The following PROSER3 variants were observed in gnomAD, a reference collection of about 807,000 sequenced individuals.
The protein encoded by PROSER3 is proline and serine-rich protein 3.
Under a neutral mutation model 50.2 loss-of-function variants are expected in PROSER3, and 33 were observed. That is an observed-to-expected ratio of 0.66 (90% CI 0.50 to 0.88). PROSER3 has a LOEUF of 0.88. PROSER3 is among the 40% of genes least tolerant of loss of function. PROSER3 has a pLI of 0.00. For missense variants in PROSER3, 623 were observed against 612.7 expected, an observed-to-expected ratio of 1.02 and a Z score of -0.18; for synonymous variants, 266 against 259.3, an observed-to-expected ratio of 1.03 and a Z score of -0.25.
At chr19:35,768,612 G>A (rs543990003) in exon 11 of PROSER3, 1 of 1,498,142 alleles carries the variant, frequency 6.7e-7, no homozygotes, top group South Asian at 1.3e-5. Context: ...CTGGTTATCT[G>A]TGAGAAAGGG....
At chr19:35,767,275 A>T (rs915378021) in intron 8 of PROSER3, 1 of 333,944 alleles carries the variant, frequency 3.0e-6, no homozygotes, top group African/African-American at 2.1e-5. Flanking sequence ...GGCCTTGGGT[A>T]TCCCTTGGGG....
exon 9 of PROSER3, chr19:35,767,922 A>C: frequency 1.2e-6 from 2 of 1,612,554 alleles, no homozygotes; most frequent in Non-Finnish European, 1.7e-6. Flanking sequence ...TCTCCAGCTG[A>C]GCAGGCAACC....
downstream of PROSER3, chr19:35,769,797 C>G (rs1971287054): frequency 1.3e-5 from 2 of 152,448 alleles, no homozygotes; most frequent in African/African-American, 4.8e-5. Flanking sequence ...ATGGCATGAT[C>G]TCGGCTCACG....
intron 3 of PROSER3, among the ~76,000 whole-genome samples, chr19:35,760,442 C>T (rs958322457): frequency 1.3e-4 from 20 of 152,140 alleles, no homozygotes; most frequent in African/African-American, 4.8e-4. Flanking sequence ...CCATGCCCAG[C>T]CTCAGTTTAT....
At chr19:35,770,332 C>T (rs1731922121), downstream of PROSER3, among the ~76,000 whole-genome samples, 1 of 152,180 alleles carries the variant, frequency 6.6e-6, no homozygotes, top group Non-Finnish European at 1.5e-5. Flanking sequence ...GCCACCGCAC[C>T]TGGCCTCCAC....
At chr19:35,762,581 C>T (rs1970995111) in intron 5 of PROSER3, 3 of 515,666 alleles carry the variant, frequency 5.8e-6, no homozygotes, top group South Asian at 4.9e-5. Flanking sequence ...AGAGAGAGAA[C>T]CAGGTGTGGT....
chr19:35,768,162 C>G, exon 10 of PROSER3: 1 of 1,613,246 alleles, frequency 6.2e-7, no homozygotes, highest in African/African-American at 1.3e-5. Flanking sequence ...CAGACTCCGA[C>G]GGCAGCGAGT....
At chr19:35,760,600 C>T (rs546834574) in intron 3 of PROSER3, among the ~76,000 whole-genome samples, 4 of 152,294 alleles carry the variant, frequency 2.6e-5, no homozygotes, top group African/African-American at 4.8e-5. Context: ...ATTCTCCTGC[C>T]TCAGCCTCCC....
chr19:35,762,480 GAGAGGA>G, intron 5 of PROSER3, 124 bp downstream of exon 5: 1 of 869,204 alleles, frequency 1.2e-6, no homozygotes, highest in African/African-American at 1.7e-5. Context: ...AGGCCAAGGT[GAGAGGA>G]CTGCTTGAGG....
intron 8 of PROSER3, 37 bp from the exon 9 acceptor site, chr19:35,767,035 T>G: frequency 7.2e-7 from 1 of 1,388,838 alleles, no homozygotes; most frequent in Non-Finnish European, 9.7e-7. Context: ...CTCCACCCTC[T>G]CTCTCTCTGT....
chr19:35,765,282 T>C, intron 7 of PROSER3, 106 bp downstream of exon 7: 1 of 1,358,582 alleles, frequency 7.4e-7, no homozygotes, highest in Non-Finnish European at 9.9e-7. Context: ...TTTCTCCAGC[T>C]GTAAAACAGG....
exon 3 of PROSER3, chr19:35,759,798 C>G (rs1166369862): frequency 5.8e-6 from 9 of 1,561,628 alleles, no homozygotes; most frequent in Admixed American, 1.9e-5. Flanking sequence ...GACCCTGAGC[C>G]CATCCAGGTC....
Position 35,759,368 on chromosome 19 carries a change from T to C in PROSER3, c.12-6T>C, listed in dbSNP as rs1314249403. On this transcript the variant is annotated splice_polypyrimidine_tract_variant and splice_region_variant and intron_variant, in intron 1 of 10. Transcript: ENST00000396908. ...GTGCTGCCTGAACCCCACTTTCCTC[T>C]TGCAGCCTGCCAGTTTTCTCCATTC... is the stretch of plus-strand genomic sequence containing the variant. 1.9e-6 allele frequency: 3 copies of C among 1,612,812 alleles called. No individual in the cohort carries two copies. The highest frequency in any genetic ancestry group is 3.3e-5 in the Admixed American group (2 of 59,890).
At position 35,762,364 on chromosome 19, in the gene PROSER3, C is replaced by T. The variant is rs1412364931; in HGVS notation, c.543+8C>T. ...CTTCAGGAAATAAAGCAGGTGACAT[C>T]CCCATTCACTCCCTCCCTTGGGTGC... On this transcript the variant is annotated splice_region_variant and intron_variant, in intron 5 of 10. Coordinates refer to ENST00000396908, the Ensembl canonical transcript of PROSER3. 1 of 1,587,246 alleles carries T rather than the reference C, an allele frequency of 6.3e-7. No individual in the cohort carries two copies. The highest frequency in any genetic ancestry group is 1.1e-5 in the South Asian group (1 of 87,580).
At chr19:35,764,873 C>T (rs758685621) in exon 6 of PROSER3, 4 of 1,613,666 alleles carry the variant, frequency 2.5e-6, no homozygotes, top group Non-Finnish European at 3.4e-6. Context: ...ACATGGAACT[C>T]ATCCCTGCTG....
exon 8 of PROSER3, chr19:35,766,870 G>T: frequency 2.6e-6 from 4 of 1,551,804 alleles, no homozygotes; most frequent in Non-Finnish European, 2.6e-6. Flanking sequence ...TACCAGTGGC[G>T]GCAGCGGCGG....
intron 5 of PROSER3, chr19:35,762,650 T>C (rs1418176495): frequency 3.2e-6 from 1 of 311,886 alleles, no homozygotes; most frequent in Non-Finnish European, 5.8e-6. Context: ...GGCTTGAGCC[T>C]AGGAGTTCAA....
exon 2 of PROSER3, chr19:35,759,430 G>T: frequency 6.2e-7 from 1 of 1,613,454 alleles, no homozygotes; most frequent in Non-Finnish European, 8.5e-7. Flanking sequence ...CTGGGTCGAA[G>T]CCACTACTGG....
chr19:35,767,601 C>A (rs1291508962), intron 8 of PROSER3: 1 of 623,930 alleles, frequency 1.6e-6, no homozygotes, highest in African/African-American at 1.9e-5. Flanking sequence ...CAAGTCCCTG[C>A]AGCTGGCCAG....
Sources: gnomAD v4.1 joint callset for allele counts (sites outside exome capture counted in the v4.1 genomes callset) on GRCh38, gnomAD v4.1.1 for gene constraint, MANE v1.5 for transcripts, NCBI Gene and HGNC (gene_info 2026-07-23, HGNC 2026-07-21) for gene names.